The following UNC13C variants were observed in gnomAD, a reference collection of about 807,000 sequenced individuals.
UNC13C encodes unc-13 homolog C.
In UNC13C, 174 loss-of-function variants were observed where a neutral mutation model predicts 245.4. The ratio of observed to expected loss-of-function variants is 0.71; its 90% CI spans 0.63 to 0.80. The LOEUF is 0.80. Among genes scored for constraint, UNC13C ranks in the 30% least tolerant of loss-of-function variants. The pLI is 0.00. For synonymous variants in UNC13C, 992 were observed against 895.1 expected (o/e 1.11, Z -1.93); for missense variants, 2,829 against 2,602.9 (o/e 1.09, Z -1.89).
the UNC13C span, among the ~76,000 whole-genome samples, chr15:53,925,807 A>G: frequency 6.6e-6 from 1 of 152,192 alleles, no homozygotes; most frequent in African/African-American, 2.4e-5. Context: ...TTTTAAAGAA[A>G]GATCTTCCTT....
chr15:53,854,334 T>C, the UNC13C span, among the ~76,000 whole-genome samples: 1 of 151,950 alleles, frequency 6.6e-6, no homozygotes, highest in Non-Finnish European at 1.5e-5. Flanking sequence ...TTGGTCAGGC[T>C]TGTCTCGAGC....
At chr15:54,158,537 T>A (rs941716292) in intron 4 of UNC13C, among the ~76,000 whole-genome samples, 3 of 151,610 alleles carry the variant, frequency 2.0e-5, no homozygotes, top group African/African-American at 7.3e-5. Flanking sequence ...GCTAGGATGG[T>A]CTTGATCTCC....
At chr15:54,084,721 C>T (rs1348328142) in intron 2 of UNC13C, among the ~76,000 whole-genome samples, 7 of 152,102 alleles carry the variant, frequency 4.6e-5, no homozygotes, top group African/African-American at 7.2e-5. Flanking sequence ...AAGGGATCCA[C>T]AAATATTACT....
intron 2 of UNC13C, among the ~76,000 whole-genome samples, chr15:54,109,704 C>T (rs563936229): frequency 5.8e-4 from 88 of 152,128 alleles, no homozygotes; most frequent in Non-Finnish European, 9.1e-4. Context: ...GAATAATCCA[C>T]ACCTCATAAA....
the UNC13C span, among the ~76,000 whole-genome samples, chr15:53,936,133 G>C: frequency 6.6e-6 from 1 of 152,218 alleles, no homozygotes; most frequent in Non-Finnish European, 1.5e-5. Context: ...GAGACTGCCT[G>C]AGACAGACCA....
At chr15:54,515,773 G>C (rs192869010) in intron 24 of UNC13C, among the ~76,000 whole-genome samples, 1 of 152,142 alleles carries the variant, frequency 6.6e-6, no homozygotes, top group African/African-American at 2.4e-5. Context: ...AGGAGGGTTC[G>C]TTTGTTCAGC....
At chr15:53,927,517 G>T in the UNC13C span, among the ~76,000 whole-genome samples, 1 of 152,214 alleles carries the variant, frequency 6.6e-6, no homozygotes, top group East Asian at 1.9e-4. Flanking sequence ...CATCTCAGTT[G>T]TCAGGGTGGG....
intron 19 of UNC13C, among the ~76,000 whole-genome samples, chr15:54,457,720 A>G (rs918754716): frequency 6.6e-6 from 1 of 151,974 alleles, no homozygotes; most frequent in Non-Finnish European, 1.5e-5. Context: ...CAGTAGAAAT[A>G]TCTCCCATTT....
At chr15:54,561,801 C>T (rs1316274412) in intron 29 of UNC13C, among the ~76,000 whole-genome samples, 2 of 151,748 alleles carry the variant, frequency 1.3e-5, no homozygotes, top group Non-Finnish European at 2.9e-5. Context: ...AGATTGTAGC[C>T]AGAGATTTGA....
chr15:53,953,457 A>G, the UNC13C span, among the ~76,000 whole-genome samples: 1 of 152,212 alleles, frequency 6.6e-6, no homozygotes, highest in Non-Finnish European at 1.5e-5. Context: ...CTCTAGATCC[A>G]GGGGTGTTTC....
chr15:54,624,555 C>T (rs1901017883), intron 32 of UNC13C, among the ~76,000 whole-genome samples: 1 of 152,074 alleles, frequency 6.6e-6, no homozygotes, highest in African/African-American at 2.4e-5. Context: ...ATAGGTGGTC[C>T]ACTGAAGGGT....
At chr15:54,147,705 G>GGTAT (rs1555423206) in intron 4 of UNC13C, among the ~76,000 whole-genome samples, 95 of 149,910 alleles carry the variant, frequency 6.3e-4, no homozygotes, top group African/African-American at 2.1e-3. Context: ...CATCACAAGG[G>GGTAT]GTGTGTGTGT....
At chr15:54,094,263 A>T (rs1418859181) in intron 2 of UNC13C, among the ~76,000 whole-genome samples, 1 of 152,158 alleles carries the variant, frequency 6.6e-6, no homozygotes. Flanking sequence ...AGTCAATTCT[A>T]CATGGTAGTT....
intron 2 of UNC13C, among the ~76,000 whole-genome samples, chr15:54,113,232 G>C (rs1225102133): frequency 6.6e-6 from 1 of 152,136 alleles, no homozygotes; most frequent in African/African-American, 2.4e-5. Context: ...AAAGGAGGGA[G>C]GGAAGGAGAG....
intron 2 of UNC13C, among the ~76,000 whole-genome samples, chr15:54,052,369 G>T (rs1478506977): frequency 8.2e-5 from 12 of 146,818 alleles, no homozygotes; most frequent in African/African-American, 3.1e-4. Flanking sequence ...CTAGTTTACA[G>T]TCCCACCAAC....
At chr15:54,501,114 T>G in intron 22 of UNC13C, 136 bp downstream of exon 22, 1 of 810,582 alleles carries the variant, frequency 1.2e-6, no homozygotes, top group Middle Eastern at 3.8e-4. Context: ...ATTCAGTTGT[T>G]TCCAGGATTC....
chr15:54,409,780 G>A (rs145975976), intron 18 of UNC13C, among the ~76,000 whole-genome samples: 6 of 152,224 alleles, frequency 3.9e-5, no homozygotes, highest in African/African-American at 1.4e-4. Context: ...AGTCCACTGT[G>A]TATGGGCTTC....
At chr15:54,454,214 A>G (rs4419007) in intron 19 of UNC13C, among the ~76,000 whole-genome samples, 147,086 of 152,034 alleles carry the variant, frequency 0.97, 71,193 homozygotes, top group South Asian at 0.99. Flanking sequence ...ACAATGTTGT[A>G]CTATTATCAC....
Position 54,012,992 on chromosome 15 carries a change from A to T in UNC13C, c.89A>T (p.Asn30Ile), listed in dbSNP as rs758325745. The change falls in exon 2 of 33, where the codon AAC (asparagine) becomes ATC (isoleucine). Residue 30 changes from asparagine to isoleucine, a missense_variant. By Grantham distance (149) the Asn-to-Ile change is moderately radical. Coordinates refer to ENST00000260323, the MANE Select transcript of UNC13C (RefSeq NM_001080534.3). ...GMFTKKLGNTNKNKEYRQQKK... is the reference protein window; with the variant it reads ...GMFTKKLGNTIKNKEYRQQKK... ...TTTACAAAGAAATTGGGAAATACAAACAAAAACAAAGAGTATCGTCAGCAG... is the reference window on the plus strand; with the variant it reads ...TTTACAAAGAAATTGGGAAATACAATCAAAAACAAAGAGTATCGTCAGCAG... 35 of 1,613,802 alleles carry T rather than the reference A, an allele frequency of 2.2e-5. No individual in the cohort carries two copies. In the South Asian group the frequency reaches 3.5e-4, roughly 16 times the overall value.
Sources: allele counts gnomAD v4.1 joint callset (sites outside exome capture counted in the v4.1 genomes callset), GRCh38; gene constraint gnomAD v4.1.1; transcripts MANE v1.5; gene names NCBI Gene and HGNC (gene_info 2026-07-23, HGNC 2026-07-21).